ARIH1: variants seen among roughly 807,000 people sequenced by gnomAD.
The protein encoded by ARIH1 is E3 ubiquitin-protein ligase ARIH1.
A neutral mutation model predicts 85.0 loss-of-function variants in ARIH1; 8 were observed. The ratio of observed to expected loss-of-function variants is 0.09; its 90% CI spans 0.06 to 0.17. The LOEUF is 0.17. Ranked by LOEUF, ARIH1 falls within the 10% of genes least tolerant of loss-of-function variation. The pLI is 1.00. For missense variants in ARIH1, 311 were observed against 718.1 expected, an observed-to-expected ratio of 0.43 and a Z score of 6.48; for synonymous variants, 238 against 253.6, an observed-to-expected ratio of 0.94 and a Z score of 0.59.
chr15:72,566,904 C>G (rs1336219861), intron 8 of ARIH1, among the ~76,000 whole-genome samples: 2 of 152,112 alleles, frequency 1.3e-5, no homozygotes, highest in African/African-American at 4.8e-5. Context: ...TCAGCTTCTG[C>G]CAAAGAAAAT....
intron 3 of ARIH1, among the ~76,000 whole-genome samples, chr15:72,548,873 TA>T (rs2064140929): frequency 6.6e-6 from 1 of 152,198 alleles, no homozygotes; most frequent in African/African-American, 2.4e-5. Context: ...ATGCACATTT[TA>T]AAATAAGTGC....
intron 1 of ARIH1, among the ~76,000 whole-genome samples, chr15:72,513,585 T>C (rs1201977150): frequency 2.0e-5 from 3 of 152,092 alleles, no homozygotes; most frequent in Non-Finnish European, 4.4e-5. Context: ...TTTTCCTTCT[T>C]TCCTGTAGTT....
chr15:72,574,449 G>C (rs2064261176), intron 11 of ARIH1, among the ~76,000 whole-genome samples: 1 of 152,132 alleles, frequency 6.6e-6, no homozygotes, highest in Admixed American at 6.5e-5. Context: ...GCATTTACTG[G>C]GAGTTGTAGT....
At chr15:72,479,806 T>C (rs2063808124) in intron 1 of ARIH1, among the ~76,000 whole-genome samples, 1 of 152,142 alleles carries the variant, frequency 6.6e-6, no homozygotes, top group Admixed American at 6.6e-5. Flanking sequence ...AATTAAGAGA[T>C]TTAATTAAAG....
chr15:72,488,315 G>T lies in ARIH1; in HGVS notation c.375+13301G>T, dbSNP rs571841567. 9.2e-5 allele frequency among the ~76,000 whole-genome samples: 14 copies of T among 152,098 alleles called. No homozygotes were observed. In the South Asian group the frequency reaches 2.3e-3, roughly 25 times the overall value. On this transcript the variant is annotated intron_variant, in intron 1 of 13. Coordinates refer to ENST00000379887, the MANE Select transcript of ARIH1 (RefSeq NM_005744.5). The stretch of plus-strand genomic sequence containing the variant: ...TGGTCTCGACCTCCTGGACTCAAAC[G>T]ATCTTCCCACCTCAGCCTCCCAAAG...
intron 11 of ARIH1, among the ~76,000 whole-genome samples, chr15:72,578,881 A>G (rs1178135948): frequency 2.0e-5 from 3 of 149,406 alleles, no homozygotes; most frequent in South Asian, 4.2e-4. Context: ...CAGTGGTGCA[A>G]CTCGGCAATT....
intron 3 of ARIH1, among the ~76,000 whole-genome samples, chr15:72,547,394 G>A (rs1298620492): frequency 1.3e-5 from 2 of 151,474 alleles, no homozygotes; most frequent in Admixed American, 6.6e-5. Flanking sequence ...CACCACACCC[G>A]GCTAATTTTT....
intron 2 of ARIH1, among the ~76,000 whole-genome samples, chr15:72,540,105 A>G (rs2064099967): frequency 6.6e-6 from 1 of 152,002 alleles, no homozygotes. Flanking sequence ...TAAAAATACA[A>G]AAATTAGCTG....
At chr15:72,542,167 A>C (rs2064110089) in intron 2 of ARIH1, among the ~76,000 whole-genome samples, 1 of 152,242 alleles carries the variant, frequency 6.6e-6, no homozygotes, top group Admixed American at 6.5e-5. Context: ...GTGAGATCTA[A>C]ATCATTAATG....
At chr15:72,498,609 C>T (rs928029301) in intron 1 of ARIH1, among the ~76,000 whole-genome samples, 2 of 152,180 alleles carry the variant, frequency 1.3e-5, no homozygotes, top group Admixed American at 1.3e-4. Flanking sequence ...CTTAGGGAGG[C>T]TGAGGCGGTG....
At position 72,491,861 on chromosome 15, in the gene ARIH1, A is replaced by G. The variant is rs961521967; in HGVS notation, c.375+16847A>G. On this transcript the variant is annotated intron_variant, in intron 1 of 13. Coordinates refer to ENST00000379887, the MANE Select transcript of ARIH1 (RefSeq NM_005744.5). ...AACTCAGTATTTTATATCATTAAATATACACAAACGTGTGAATGTTATTGT... is the reference window on the plus strand; with the variant it reads ...AACTCAGTATTTTATATCATTAAATGTACACAAACGTGTGAATGTTATTGT... Among the ~76,000 whole-genome samples the G allele has an allele frequency of 2.0e-5, 3 of 152,338 alleles. 1 individual carries two copies. Among genetic ancestry groups the G allele is most frequent in the Non-Finnish European group, 4.4e-5 (3 of 68,028 alleles).
intron 11 of ARIH1, among the ~76,000 whole-genome samples, chr15:72,575,533 A>G (rs536222549): frequency 1.3e-5 from 2 of 148,182 alleles, no homozygotes; most frequent in South Asian, 4.4e-4. Context: ...CTCAAGCAAC[A>G]GAGCAAGACC....
intron 5 of ARIH1, among the ~76,000 whole-genome samples, chr15:72,560,673 TAGG>T (rs1567356360): frequency 6.6e-6 from 1 of 152,150 alleles, no homozygotes; most frequent in Non-Finnish European, 1.5e-5. Context: ...ACGAATGTGA[TAGG>T]AGTGCACTGA....
intron 3 of ARIH1, among the ~76,000 whole-genome samples, chr15:72,553,170 TTA>T (rs144286008): frequency 0.038 from 5,825 of 152,252 alleles, 330 homozygotes; most frequent in African/African-American, 0.13. Context: ...TAAAAATAAT[TTA>T]GAGGTAAATT....
intron 10 of ARIH1, among the ~76,000 whole-genome samples, chr15:72,571,006 G>T (rs922440935): frequency 3.9e-5 from 6 of 152,044 alleles, no homozygotes; most frequent in Middle Eastern, 3.4e-3. Flanking sequence ...GCGCATGCCT[G>T]TAATCCCAGC....
intron 2 of ARIH1, among the ~76,000 whole-genome samples, chr15:72,532,387 A>T (rs566410433): frequency 6.6e-6 from 1 of 152,286 alleles, no homozygotes; most frequent in African/African-American, 2.4e-5. Context: ...CATAAGAAAT[A>T]GTAAACCTGT....
intron 5 of ARIH1, among the ~76,000 whole-genome samples, chr15:72,557,448 G>A (rs1388679349): frequency 6.6e-6 from 1 of 152,094 alleles, no homozygotes; most frequent in South Asian, 2.1e-4. Context: ...CTGGATATGA[G>A]GCTTTTGTTG....
intron 2 of ARIH1, among the ~76,000 whole-genome samples, chr15:72,542,418 G>A (rs935025810): frequency 6.6e-6 from 1 of 152,132 alleles, no homozygotes; most frequent in African/African-American, 2.4e-5. Context: ...ACAGAAAAAT[G>A]TGTTCACCTT....
At chr15:72,557,257 GTCT>G (rs1309096991) in intron 5 of ARIH1, among the ~76,000 whole-genome samples, 1 of 151,992 alleles carries the variant, frequency 6.6e-6, no homozygotes, top group Non-Finnish European at 1.5e-5. Flanking sequence ...CTGCGTATAT[GTCT>G]TCTTGAGAAA....
Sources: gnomAD v4.1 joint callset for allele counts (sites outside exome capture counted in the v4.1 genomes callset) on GRCh38, gnomAD v4.1.1 for gene constraint, MANE v1.5 for transcripts, NCBI Gene and HGNC (gene_info 2026-07-23, HGNC 2026-07-21) for gene names.